Variants in FUBP1 observed in about 807,000 individuals in gnomAD.
FUBP1 encodes far upstream element-binding protein 1.
FUBP1 carries 16 observed loss-of-function variants against 94.9 expected under a neutral mutation model. That is an observed-to-expected ratio of 0.17 (90% CI 0.11 to 0.26). The LOEUF (loss-of-function observed/expected upper bound fraction) is 0.26. FUBP1 is among the 10% of genes least tolerant of loss of function. FUBP1 has a pLI of 1.00. For synonymous variants in FUBP1, 279 were observed against 254.9 expected, an observed-to-expected ratio of 1.09 and a Z score of -0.90; for missense variants, 583 against 808.6, an observed-to-expected ratio of 0.72 and a Z score of 3.38.
Position 77,963,672 on chromosome 1 carries a change from C to T in FUBP1, c.1085G>A (p.Gly362Asp). 1.2e-6 allele frequency: 2 copies of T among 1,611,262 alleles called. No individual in the cohort carries two copies. The highest frequency in any genetic ancestry group is 2.2e-5 in the South Asian group (2 of 91,004). Residue 362 changes from glycine to aspartate, a missense_variant, in exon 13 of 20, where the codon GGT (glycine) becomes GAT (aspartate). Coordinates refer to ENST00000370768, the MANE Select transcript of FUBP1 (RefSeq NM_003902.5). ...CATGTTCCAGTTGCCTTGACCTCTA[C>T]CTCTTCCTCGACCACCAGGTCCAGG... The part of the protein sequence containing the change: ...GGPGPGGRGR[G>D]RGQGNWNMGP...
Position 77,962,857 on chromosome 1 carries a change from A to G in FUBP1, c.1257T>C (p.Asn419=), listed in dbSNP as rs1251773679. 1 of 1,612,190 alleles carries G rather than the reference A, an allele frequency of 6.2e-7. No individual in the cohort carries two copies. ...TAAATAACTTCATATTAGGATCTGC[A>G]TTTGGTGGAGGATTTCTCTGAAGTT... The part of the protein sequence containing the change: ...RIELQRNPPP[N]ADPNMKLFTI... Residue 419 remains asparagine, a synonymous_variant, in exon 14 of 20, where the codon AAT becomes AAC. Transcript: ENST00000370768.
Position 77,956,552 on chromosome 1 carries a change from A to T in FUBP1, c.1705+20T>A. 1 of 1,598,746 alleles carries T rather than the reference A, an allele frequency of 6.3e-7. No homozygotes were observed. On this transcript the variant is annotated intron_variant, in intron 17 of 19. Transcript: ENST00000370768. ...CAAGCACAACTTTTGGCTTTCACATACAATAAGTTCTGTAGTTACCTTGTC... is the reference window on the plus strand; with the variant it reads ...CAAGCACAACTTTTGGCTTTCACATTCAATAAGTTCTGTAGTTACCTTGTC...
chr1:77,948,409 T>C lies in FUBP1; in HGVS notation c.*357A>G. On this transcript the variant is annotated 3_prime_UTR_variant, in exon 20 of 20. Coordinates refer to ENST00000370768, the MANE Select transcript of FUBP1 (RefSeq NM_003902.5). ...ATATCCAACTTACCGACACAGGAGGTTTCATATCATTTATTGTAAAGCACA... is the reference window on the plus strand; with the variant it reads ...ATATCCAACTTACCGACACAGGAGGCTTCATATCATTTATTGTAAAGCACA... The C allele has an allele frequency of 9.3e-7, 1 of 1,080,346 alleles. No individual in the cohort carries two copies. The highest frequency in any genetic ancestry group is 1.1e-6 in the Non-Finnish European group (1 of 886,384). 66.9% of individuals were successfully genotyped at this position (1,080,346 alleles called of 1,614,324 possible). A position where few individuals can be genotyped will look rare whatever the true frequency, so the allele number is the denominator to read the frequency against.
At chr1:77,974,803 A>G (rs1658298175) in intron 1 of FUBP1, among the ~76,000 whole-genome samples, 1 of 152,190 alleles carries the variant, frequency 6.6e-6, no homozygotes, top group Admixed American at 6.5e-5. Flanking sequence ...CGAGGTTAAG[A>G]ACAGACTATT....
intron 1 of FUBP1, among the ~76,000 whole-genome samples, chr1:77,977,126 T>C (rs746728002): frequency 1.3e-5 from 2 of 152,210 alleles, no homozygotes; most frequent in African/African-American, 4.8e-5. Context: ...AAAGTATTAA[T>C]CAGATAATCC....
At chr1:77,963,783 TAA>T (rs1247410472) in intron 12 of FUBP1, 68 bp from the exon 13 acceptor site, 15 of 1,345,494 alleles carry the variant, frequency 1.1e-5, no homozygotes, top group African/African-American at 1.5e-5. Context: ...ATAAAATTAT[TAA>T]GTTTATTTTT....
At chr1:77,956,425 T>C (rs1161591169) in intron 17 of FUBP1, 147 bp downstream of exon 17, 5 of 523,014 alleles carry the variant, frequency 9.6e-6, no homozygotes, top group Non-Finnish European at 1.3e-5. Flanking sequence ...TTTGAAACTA[T>C]TTCAAAGTAA....
intron 13 of FUBP1, 100 bp downstream of exon 13, chr1:77,963,474 C>T (rs1052006592): frequency 1.6e-5 from 10 of 608,214 alleles, no homozygotes; most frequent in African/African-American, 3.8e-5. Context: ...TACTAAAATA[C>T]GGTCAGAGAA....
intron 14 of FUBP1, 50 bp from the exon 15 acceptor site, chr1:77,960,545 T>TA (rs1441977005): frequency 2.1e-6 from 3 of 1,406,162 alleles, no homozygotes; most frequent in Non-Finnish European, 2.9e-6. Context: ...CAGTAATGGT[T>TA]AAACAACTCT....
chr1:77,970,808 G>A (rs1657383658), intron 1 of FUBP1, among the ~76,000 whole-genome samples: 1 of 152,142 alleles, frequency 6.6e-6, no homozygotes, highest in Non-Finnish European at 1.5e-5. Flanking sequence ...ACTTTGGGAG[G>A]TGGAGGTGGG....
At chr1:77,959,746 T>C (rs1237247705) in intron 16 of FUBP1, among the ~76,000 whole-genome samples, 1 of 152,192 alleles carries the variant, frequency 6.6e-6, no homozygotes, top group Non-Finnish European at 1.5e-5. Context: ...TTGCCCAGGC[T>C]GGTCTCAAGC....
rs931162474 is a variant in FUBP1, at chr1:77,978,025, A to G, written c.120+860T>C. 2.6e-5 allele frequency among the ~76,000 whole-genome samples: 4 copies of G among 152,262 alleles called. No individual in the cohort carries two copies. In the South Asian group the frequency reaches 8.3e-4, roughly 31 times the overall value. ...CCTAGTACAATATGCATAGTGTCACAGAGAATAGGATTCTTTTGCTTACAT... is the reference window on the plus strand; with the variant it reads ...CCTAGTACAATATGCATAGTGTCACGGAGAATAGGATTCTTTTGCTTACAT... On this transcript the variant is annotated intron_variant, in intron 1 of 19. Coordinates refer to ENST00000370768, the MANE Select transcript of FUBP1 (RefSeq NM_003902.5).
rs2102420690 is a variant in FUBP1, at chr1:77,966,880, T to C, written c.415+4A>G. The C allele has an allele frequency of 1.3e-6, 2 of 1,554,864 alleles. No homozygotes were observed. The highest frequency in any genetic ancestry group is 1.8e-6 in the Non-Finnish European group (2 of 1,126,674). On this transcript the variant is annotated splice_donor_region_variant and intron_variant, in intron 6 of 19. Transcript: ENST00000370768. ...CTGAAAATACCATGAGAATGTAACA[T>C]TACCAGGAGCTATCTGTATTTTGCA... is the stretch of plus-strand genomic sequence containing the variant.
chr1:77,946,127 T>C lies in FUBP1; in HGVS notation c.*2639A>G, dbSNP rs1215606836. 6.6e-6 allele frequency among the ~76,000 whole-genome samples: 1 copy of C among 151,924 alleles called. No individual in the cohort carries two copies. The highest frequency in any genetic ancestry group is 2.4e-5 in the African/African-American group (1 of 41,434). ...AATTTTGGAGGGCAAAGAAATTTTC[T>C]GTCCATCATATAAAACAGATTGTGA... is the stretch of plus-strand genomic sequence containing the variant. On this transcript the variant is annotated 3_prime_UTR_variant, in exon 20 of 20. Coordinates refer to ENST00000370768, the MANE Select transcript of FUBP1 (RefSeq NM_003902.5).
intron 17 of FUBP1, 121 bp downstream of exon 17, chr1:77,956,449 GAA>G: frequency 3.5e-6 from 2 of 578,978 alleles, no homozygotes; most frequent in Non-Finnish European, 5.7e-6. Context: ...TTTAAAAAAG[GAA>G]AAGTCTGCTT....
At position 77,945,781 on chromosome 1, in the gene FUBP1, A is replaced by G. The variant is rs1571191360; in HGVS notation, c.*2985T>C. ...ATGCTGCTTTCATACATTCAACTTA[A>G]CTCAAAATATGTACCAGTTAAAATC... On this transcript the variant is annotated 3_prime_UTR_variant, in exon 20 of 20. Transcript: ENST00000370768. 9.3e-6 allele frequency: 2 copies of G among 213,938 alleles called. No homozygotes were observed. Among genetic ancestry groups the G allele is most frequent in the East Asian group, 1.4e-4 (2 of 14,264 alleles). The allele number at this position is 213,938 out of a possible 1,614,324, so 13.3% of individuals were successfully genotyped here.
chr1:77,952,378 T>C, intron 18 of FUBP1, among the ~76,000 whole-genome samples: 1 of 152,152 alleles, frequency 6.6e-6, no homozygotes, highest in Middle Eastern at 3.4e-3. Context: ...GTTTTTTTTT[T>C]TTTTCAGTAA....
intron 16 of FUBP1, among the ~76,000 whole-genome samples, chr1:77,957,964 G>A (rs924282270): frequency 6.6e-6 from 1 of 151,764 alleles, no homozygotes; most frequent in African/African-American, 2.4e-5. Flanking sequence ...GCTAATTTTT[G>A]TATTTTTAGT....
chr1:77,970,647 T>G (rs987171794), intron 1 of FUBP1, among the ~76,000 whole-genome samples: 1 of 152,154 alleles, frequency 6.6e-6, no homozygotes, highest in Non-Finnish European at 1.5e-5. Context: ...TCCAGGGAGC[T>G]CGAGTCTTAA....
Sources: allele counts gnomAD v4.1 joint callset (sites outside exome capture counted in the v4.1 genomes callset), GRCh38; gene constraint gnomAD v4.1.1; transcripts MANE v1.5; gene names NCBI Gene and HGNC (gene_info 2026-07-23, HGNC 2026-07-21).